The following KCTD9 variants were observed in gnomAD, a reference collection of about 807,000 sequenced individuals.
KCTD9 encodes the protein potassium channel tetramerization domain containing 9.
A neutral mutation model predicts 53.3 loss-of-function variants in KCTD9; 17 were observed. That is an observed-to-expected ratio of 0.32 (90% CI 0.22 to 0.48). The LOEUF (loss-of-function observed/expected upper bound fraction) is 0.48, where lower values mean the gene tolerates loss of function less well. Ranked by LOEUF, KCTD9 falls within the 20% of genes least tolerant of loss-of-function variation. The probability of loss-of-function intolerance (pLI) is 0.99; values close to 1 mark genes in which losing one functional copy is unlikely to be tolerated. For missense variants in KCTD9, 179 were observed against 465.5 expected (o/e 0.38, Z 5.66); for synonymous variants, 128 against 162.7 (o/e 0.79, Z 1.62).
intron 1 of KCTD9, among the ~76,000 whole-genome samples, chr8:25,448,971 T>C (rs1004601088): frequency 1.3e-5 from 2 of 151,988 alleles, no homozygotes; most frequent in Admixed American, 6.6e-5. Flanking sequence ...ATATTTCCTA[T>C]GATTGTTCAC....
At chr8:25,443,510 T>A (rs1016633052) in intron 3 of KCTD9, among the ~76,000 whole-genome samples, 2 of 152,180 alleles carry the variant, frequency 1.3e-5, no homozygotes, top group Non-Finnish European at 2.9e-5. Context: ...TGTGTTTGTA[T>A]GCAGTGGACC....
At chr8:25,440,753 C>T (rs1802107042) in intron 3 of KCTD9, 80 bp from the exon 4 acceptor site, 2 of 933,526 alleles carry the variant, frequency 2.1e-6, no homozygotes, top group African/African-American at 1.6e-5. Context: ...ATTTTTTAAA[C>T]TGAATACACA....
Position 25,435,519 on chromosome 8 carries a change from T to C in KCTD9, c.664-7A>G. On this transcript the variant is annotated splice_polypyrimidine_tract_variant and splice_region_variant and intron_variant, in intron 8 of 11. Transcript: ENST00000221200. ...CACCACTGAAGTTCAAACCCTGAAA[T>C]AAAAAAGCACAAATTGTCACCATAA... The C allele has an allele frequency of 6.3e-7, 1 of 1,587,326 alleles. No individual in the cohort carries two copies. The highest frequency in any genetic ancestry group is 8.6e-7 in the Non-Finnish European group (1 of 1,168,990).
At chr8:25,438,091 G>A (rs1385244606) in intron 6 of KCTD9, among the ~76,000 whole-genome samples, 1 of 152,030 alleles carries the variant, frequency 6.6e-6, no homozygotes, top group African/African-American at 2.4e-5. Context: ...AAATGGTTGA[G>A]AAACATGAAA....
At position 25,458,188 on chromosome 8, in the gene KCTD9, G is replaced by A; in HGVS notation, c.48+11C>T. On this transcript the variant is annotated intron_variant, in intron 1 of 11. Coordinates refer to ENST00000221200, the MANE Select transcript of KCTD9 (RefSeq NM_017634.4). The stretch of plus-strand genomic sequence containing the variant: ...CCCCCGGCCCGCCGCGCCCCCTCAC[G>A]CCCCCGTTACCTTTCCGTTCTTGGG... 1.8e-6 allele frequency: 1 copy of A among 554,218 alleles called. No homozygotes were observed. The allele number at this position is 554,218 out of a possible 1,614,324, so 34.3% of individuals were successfully genotyped here.
intron 1 of KCTD9, among the ~76,000 whole-genome samples, chr8:25,457,976 G>T (rs1055700195): frequency 2.6e-5 from 4 of 151,292 alleles, no homozygotes; most frequent in Admixed American, 1.3e-4. Context: ...AACCGCGCCG[G>T]CCCCCAGGCA....
chr8:25,448,222 T>C (rs1318969630), intron 1 of KCTD9, among the ~76,000 whole-genome samples: 1 of 152,170 alleles, frequency 6.6e-6, no homozygotes, highest in Non-Finnish European at 1.5e-5. Flanking sequence ...ACATGAATTC[T>C]GACACATGCT....
At chr8:25,445,978 A>T in intron 2 of KCTD9, 151 bp downstream of exon 2, 1 of 915,238 alleles carries the variant, frequency 1.1e-6, no homozygotes, top group Non-Finnish European at 1.6e-6. Context: ...CCTTAAGCCC[A>T]AATGATTTAA....
chr8:25,434,301 T>C (rs1397479219), intron 9 of KCTD9, among the ~76,000 whole-genome samples: 1 of 152,166 alleles, frequency 6.6e-6, no homozygotes, highest in African/African-American at 2.4e-5. Flanking sequence ...GGTTTCGCCA[T>C]GTTGGCTAAG....
At chr8:25,450,031 G>C (rs961646380) in intron 1 of KCTD9, among the ~76,000 whole-genome samples, 1 of 152,138 alleles carries the variant, frequency 6.6e-6, no homozygotes, top group East Asian at 1.9e-4. Context: ...ATACTGCTTG[G>C]CAAGGACTAT....
chr8:25,442,155 C>T (rs1221619840), intron 3 of KCTD9, among the ~76,000 whole-genome samples: 7 of 152,116 alleles, frequency 4.6e-5, no homozygotes, highest in South Asian at 2.1e-4. Flanking sequence ...GAGAACTGTA[C>T]TGAAATTTTA....
At chr8:25,430,965 G>A (rs1801917542) in intron 11 of KCTD9, among the ~76,000 whole-genome samples, 1 of 151,934 alleles carries the variant, frequency 6.6e-6, no homozygotes, top group Admixed American at 6.6e-5. Context: ...GAGTAGCTGG[G>A]GTTACAGGCA....
intron 8 of KCTD9, among the ~76,000 whole-genome samples, chr8:25,435,947 CAT>C (rs1237404156): frequency 4.6e-5 from 7 of 152,046 alleles, no homozygotes; most frequent in Non-Finnish European, 7.4e-5. Context: ...CTGATCAGCC[CAT>C]ATATTGCAAA....
Position 25,458,322 on chromosome 8 carries a change from C to T in KCTD9, c.-76G>A, listed in dbSNP as rs542955323. The T allele has an allele frequency of 4.6e-6, 7 of 1,519,386 alleles. No homozygotes were observed. Among genetic ancestry groups the T allele is most frequent in the Non-Finnish European group, 6.4e-6 (7 of 1,101,228 alleles). 94.1% of individuals were successfully genotyped at this position (1,519,386 alleles called of 1,614,324 possible). ...CTCCTCCCACCTTTTTCTCCTCCCG[C>T]CCTTCCCCTCCCTCCACCCACTCGG... is the stretch of plus-strand genomic sequence containing the variant. On this transcript the variant is annotated 5_prime_UTR_variant, in exon 1 of 12. Coordinates refer to ENST00000221200, the MANE Select transcript of KCTD9 (RefSeq NM_017634.4).
At chr8:25,440,193 G>A (rs2117407168) in intron 4 of KCTD9, among the ~76,000 whole-genome samples, 1 of 150,758 alleles carries the variant, frequency 6.6e-6, no homozygotes, top group African/African-American at 2.4e-5. Context: ...CAAGTAGCTG[G>A]GACTACAGGC....
intron 1 of KCTD9, chr8:25,450,261 A>G (rs1802294081): frequency 1.1e-6 from 1 of 925,184 alleles, no homozygotes; most frequent in Non-Finnish European, 1.3e-6. Flanking sequence ...AAAAGTTGTT[A>G]TGAATTCTGT....
At position 25,458,410 on chromosome 8, in the gene KCTD9, A is replaced by C; in HGVS notation, c.-164T>G. On this transcript the variant is annotated 5_prime_UTR_variant, in exon 1 of 12. Coordinates refer to ENST00000221200, the MANE Select transcript of KCTD9 (RefSeq NM_017634.4). ...ACACCACACGCACGCACTCTGTCCC[A>C]CACCCAAGGTTCGGCCGGTCCTCCT... The C allele has an allele frequency of 1.3e-6, 1 of 770,402 alleles. No homozygotes were observed. The highest frequency in any genetic ancestry group is 2.2e-6 in the Non-Finnish European group (1 of 462,540). The allele number at this position is 770,402 out of a possible 1,614,324, so 47.7% of individuals were successfully genotyped here.
intron 11 of KCTD9, among the ~76,000 whole-genome samples, chr8:25,431,097 C>T (rs1395974381): frequency 1.3e-5 from 2 of 152,126 alleles, no homozygotes; most frequent in Non-Finnish European, 2.9e-5. Context: ...TCCCAAAATG[C>T]TGGGGTTACA....
chr8:25,434,734 C>G (rs1452249949), intron 9 of KCTD9, among the ~76,000 whole-genome samples: 1 of 152,028 alleles, frequency 6.6e-6, no homozygotes, highest in Admixed American at 6.5e-5. Flanking sequence ...GGTATTAATT[C>G]AAAAGACATA....
Sources: gnomAD v4.1 joint callset for allele counts (sites outside exome capture counted in the v4.1 genomes callset) on GRCh38, gnomAD v4.1.1 for gene constraint, MANE v1.5 for transcripts, NCBI Gene and HGNC (gene_info 2026-07-23, HGNC 2026-07-21) for gene names.